CTNNA2: variants seen among roughly 807,000 people sequenced by gnomAD.
The protein encoded by CTNNA2 is catenin alpha 2, also known as catenin alpha-2.
A neutral mutation model predicts 101.0 loss-of-function variants in CTNNA2; 42 were observed. That is an observed-to-expected ratio of 0.42 (90% CI 0.32 to 0.54). CTNNA2 has a LOEUF of 0.54. CTNNA2 is among the 20% of genes least tolerant of loss of function. CTNNA2 has a pLI of 0.14. For missense variants in CTNNA2, 871 were observed against 1,223.1 expected (o/e 0.71, Z 4.29); for synonymous variants, 450 against 456.4 (o/e 0.99, Z 0.18).
intron 2 of CTNNA2, among the ~76,000 whole-genome samples, chr2:79,235,646 C>CA (rs1674546673): frequency 6.6e-6 from 1 of 152,192 alleles, no homozygotes; most frequent in African/African-American, 2.4e-5. Flanking sequence ...CCAAGCATCT[C>CA]ACTTCTATCA....
chr2:80,256,454 A>T (rs975577574), intron 7 of CTNNA2, among the ~76,000 whole-genome samples: 1 of 152,132 alleles, frequency 6.6e-6, no homozygotes, highest in African/African-American at 2.4e-5. Flanking sequence ...ATGGCAAGAA[A>T]ATAACCTCTC....
intron 2 of CTNNA2, among the ~76,000 whole-genome samples, chr2:79,213,111 T>G (rs903626182): frequency 6.6e-6 from 1 of 151,976 alleles, no homozygotes; most frequent in Non-Finnish European, 1.5e-5. Flanking sequence ...TAGGTGGAAG[T>G]TTCAGCAGGG....
chr2:80,433,883 A>G (rs1346510132), intron 9 of CTNNA2, among the ~76,000 whole-genome samples: 1 of 152,212 alleles, frequency 6.6e-6, no homozygotes, highest in Non-Finnish European at 1.5e-5. Context: ...AAAACTGCTG[A>G]TGTCCAATGA....
intron 7 of CTNNA2, among the ~76,000 whole-genome samples, chr2:79,938,219 A>G (rs1356670297): frequency 6.6e-6 from 1 of 152,208 alleles, no homozygotes; most frequent in Non-Finnish European, 1.5e-5. Flanking sequence ...AAAGCAAATG[A>G]GCCCTTTGTT....
chr2:80,455,108 G>T (rs532593876), intron 9 of CTNNA2, among the ~76,000 whole-genome samples: 1 of 152,352 alleles, frequency 6.6e-6, no homozygotes, highest in South Asian at 2.1e-4. Flanking sequence ...CTTACTGACT[G>T]TCAGGGCTGG....
intron 2 of CTNNA2, among the ~76,000 whole-genome samples, chr2:79,254,123 A>G (rs1460856929): frequency 1.3e-5 from 2 of 152,206 alleles, no homozygotes; most frequent in Non-Finnish European, 2.9e-5. Flanking sequence ...TGGGGATCAC[A>G]ATGGTACCTT....
chr2:79,429,125 T>C (rs1300516879), intron 4 of CTNNA2, among the ~76,000 whole-genome samples: 1 of 152,278 alleles, frequency 6.6e-6, no homozygotes, highest in African/African-American at 2.4e-5. Context: ...CTAGAACAAC[T>C]AGCCAATTCT....
At chr2:79,511,425 G>A (rs938539986), upstream of CTNNA2, among the ~76,000 whole-genome samples, 1 of 152,146 alleles carries the variant, frequency 6.6e-6, no homozygotes, top group Admixed American at 6.5e-5. Context: ...TTGGCGCTCG[G>A]CACTTCATGA....
At chr2:79,196,912 G>T (rs1459435206) in intron 1 of CTNNA2, among the ~76,000 whole-genome samples, 1 of 152,118 alleles carries the variant, frequency 6.6e-6, no homozygotes, top group Non-Finnish European at 1.5e-5. Context: ...ATCTCTCATG[G>T]TTCTGATTTA....
At chr2:80,032,279 A>G (rs541559966) in intron 7 of CTNNA2, among the ~76,000 whole-genome samples, 1 of 152,190 alleles carries the variant, frequency 6.6e-6, no homozygotes, top group Non-Finnish European at 1.5e-5. Context: ...CCTGTTGGCC[A>G]TAATAAAAGG....
intron 3 of CTNNA2, among the ~76,000 whole-genome samples, chr2:79,823,919 G>T (rs907694517): frequency 6.6e-6 from 1 of 152,020 alleles, no homozygotes; most frequent in Non-Finnish European, 1.5e-5. Context: ...TGTGTTTACC[G>T]CTGAGGACTG....
chr2:80,176,356 A>G (rs1308926591), intron 7 of CTNNA2, among the ~76,000 whole-genome samples: 1 of 152,226 alleles, frequency 6.6e-6, no homozygotes, highest in Non-Finnish European at 1.5e-5. Context: ...CAAAGGAAAA[A>G]GAAATAAAAT....
intron 7 of CTNNA2, among the ~76,000 whole-genome samples, chr2:80,095,544 T>A (rs985300273): frequency 6.6e-5 from 10 of 152,238 alleles, no homozygotes; most frequent in Admixed American, 3.3e-4. Context: ...GATTCCCTCT[T>A]TTTCTATTGA....
intron 2 of CTNNA2, among the ~76,000 whole-genome samples, chr2:79,698,454 C>G (rs1684785568): frequency 6.8e-6 from 1 of 146,666 alleles, no homozygotes; most frequent in Non-Finnish European, 1.5e-5. Context: ...GAAATAGTGA[C>G]ACAGTGTGTG....
chr2:80,628,125 A>C (rs1671879407), intron 18 of CTNNA2, among the ~76,000 whole-genome samples: 1 of 152,134 alleles, frequency 6.6e-6, no homozygotes, highest in African/African-American at 2.4e-5. Context: ...GACACAAACA[A>C]ATGGAAAAGC....
intron 9 of CTNNA2, among the ~76,000 whole-genome samples, chr2:80,469,389 A>C (rs542051712): frequency 3.9e-5 from 6 of 152,236 alleles, no homozygotes; most frequent in African/African-American, 7.2e-5. Flanking sequence ...GAGGCTGCTG[A>C]ATATCAGTTG....
intron 2 of CTNNA2, among the ~76,000 whole-genome samples, chr2:79,269,746 T>C (rs1238034602): frequency 6.6e-6 from 1 of 152,060 alleles, no homozygotes; most frequent in African/African-American, 2.4e-5. Flanking sequence ...ACATGATCAC[T>C]CTTATTGTAT....
chr2:80,192,518 C>T (rs1706572136), intron 7 of CTNNA2, among the ~76,000 whole-genome samples: 1 of 151,900 alleles, frequency 6.6e-6, no homozygotes, highest in African/African-American at 2.4e-5. Flanking sequence ...ATCTGTAAAA[C>T]TTTTCTTTTT....
At chr2:80,217,298 C>T (rs546047369) in intron 7 of CTNNA2, among the ~76,000 whole-genome samples, 1 of 152,080 alleles carries the variant, frequency 6.6e-6, no homozygotes, top group South Asian at 2.1e-4. Context: ...GGTTTCTAAA[C>T]CCATAACTTC....
Sources: allele counts gnomAD v4.1 joint callset (sites outside exome capture counted in the v4.1 genomes callset), GRCh38; gene constraint gnomAD v4.1.1; transcripts MANE v1.5; gene names NCBI Gene and HGNC (gene_info 2026-07-23, HGNC 2026-07-21).